Variants in DENND4C observed in about 807,000 individuals in gnomAD.
DENND4C encodes the protein DENN domain containing 4C.
A neutral mutation model predicts 203.0 loss-of-function variants in DENND4C; 108 were observed. That is an observed-to-expected ratio of 0.53 (90% CI 0.46 to 0.62). The LOEUF is 0.62. Among genes scored for constraint, DENND4C ranks in the 20% least tolerant of loss-of-function variants. DENND4C has a pLI of 0.00. For missense variants in DENND4C, 2,481 were observed against 2,301.2 expected (o/e 1.08, Z -1.60); for synonymous variants, 871 against 792.4 (o/e 1.10, Z -1.67).
intron 12 of DENND4C, among the ~76,000 whole-genome samples, chr9:19,318,219 T>C (rs1842169158): frequency 6.6e-6 from 1 of 152,056 alleles, no homozygotes; most frequent in Non-Finnish European, 1.5e-5. Context: ...TTCGGGAGGC[T>C]AAGGGAGGAG....
chr9:19,236,751 CA>C (rs1822066864), intron 1 of DENND4C, among the ~76,000 whole-genome samples: 2 of 152,160 alleles, frequency 1.3e-5, no homozygotes, highest in South Asian at 4.1e-4. Context: ...GCCCACAGGC[CA>C]TGTCGCTTTA....
chr9:19,296,542 A>T (rs1179580043), intron 6 of DENND4C, among the ~76,000 whole-genome samples: 1 of 151,646 alleles, frequency 6.6e-6, no homozygotes, highest in African/African-American at 2.4e-5. Flanking sequence ...TTTTGTAGAG[A>T]CAAGGTTTCA....
rs1325111591 is a variant in DENND4C at position 19,324,466 on chromosome 9, A to G, written c.1912A>G (p.Lys638Glu). Residue 638 changes from lysine (K) to glutamate (E), a missense_variant, in exon 13 of 33, where the codon AAA becomes GAA. Transcript: ENST00000434457. ...TGAAGAATGCAGTTTTGTAAGTGATAAAGATACTGGATTAGCATTTTTTGA... is the reference window on the plus strand; with the variant it reads ...TGAAGAATGCAGTTTTGTAAGTGATGAAGATACTGGATTAGCATTTTTTGA... ...FIEECSFVSD[K>E]DTGLAFFDDC... The G allele has an allele frequency of 1.9e-6, 3 of 1,611,682 alleles. No homozygotes were observed. Among genetic ancestry groups the G allele is most frequent in the African/African-American group, 1.3e-5 (1 of 74,748 alleles).
chr9:19,254,064 T>C (rs1441927983), intron 1 of DENND4C, among the ~76,000 whole-genome samples: 2 of 152,244 alleles, frequency 1.3e-5, no homozygotes, highest in Non-Finnish European at 2.9e-5. Flanking sequence ...TTTTATTTTT[T>C]CTTCAAAAGC....
At chr9:19,245,470 A>AAAT (rs1488406891) in intron 1 of DENND4C, among the ~76,000 whole-genome samples, 1 of 150,872 alleles carries the variant, frequency 6.6e-6, no homozygotes, top group Admixed American at 6.6e-5. Context: ...CAGTCTCAAA[A>AAAT]AAAAAAAAAT....
chr9:19,342,569 A>G lies in DENND4C; in HGVS notation c.3005-64A>G, dbSNP rs966881660. ...AAATACATACAATATCTAAAAGTCA[A>G]TATATGGTTTCTGTTTAATATTGGC... On this transcript the variant is annotated intron_variant, in intron 21 of 32. Transcript: ENST00000434457. 32 of 1,475,028 alleles carry G rather than the reference A, an allele frequency of 2.2e-5. No individual in the cohort carries two copies. In the Admixed American group the frequency reaches 4.2e-4, roughly 19 times the overall value. 91.4% of individuals were successfully genotyped at this position (1,475,028 alleles called of 1,614,324 possible). A position where few individuals can be genotyped will look rare whatever the true frequency, so the allele number is the denominator to read the frequency against.
Position 19,346,103 on chromosome 9 carries a change from G to C in DENND4C, c.3334G>C (p.Asp1112His). The C allele has an allele frequency of 6.2e-7, 1 of 1,614,194 alleles. No individual in the cohort carries two copies. Among genetic ancestry groups the C allele is most frequent in the Non-Finnish European group, 8.5e-7 (1 of 1,180,042 alleles). The stretch of plus-strand genomic sequence containing the variant: ...AATGTTGCTTAAGAAGAGTAGTTTG[G>C]ATTCGAATTCAAGTGAAATGGCTAT... ...AGMLLKKSSL[D>H]SNSSEMAIMM... Residue 1112 changes from aspartate to histidine, a missense_variant, in exon 23 of 33, where the codon GAT (aspartate) becomes CAT (histidine). By Grantham distance (81) the Asp-to-His change is moderately conservative. Coordinates refer to ENST00000434457, the MANE Select transcript of DENND4C (RefSeq NM_001330640.2).
At chr9:19,297,666 T>C (rs1837741498) in intron 6 of DENND4C, among the ~76,000 whole-genome samples, 1 of 152,206 alleles carries the variant, frequency 6.6e-6, no homozygotes, top group Non-Finnish European at 1.5e-5. Flanking sequence ...AGGTGGTTCA[T>C]CCAGTGTTAG....
At chr9:19,284,335 A>T (rs1230745456) in intron 2 of DENND4C, among the ~76,000 whole-genome samples, 1 of 152,106 alleles carries the variant, frequency 6.6e-6, no homozygotes, top group East Asian at 1.9e-4. Context: ...ATTTGTGTGG[A>T]TGTATTTACT....
intron 1 of DENND4C, among the ~76,000 whole-genome samples, chr9:19,231,570 T>C (rs1040422888): frequency 6.6e-6 from 1 of 151,716 alleles, no homozygotes; most frequent in African/African-American, 2.4e-5. Context: ...CCTTTTCTGC[T>C]TGATAGACCT....
chr9:19,299,410 T>A, intron 8 of DENND4C, 123 bp downstream of exon 8: 1 of 650,266 alleles, frequency 1.5e-6, no homozygotes, highest in Non-Finnish European at 2.3e-6. Flanking sequence ...CTTTATTAGT[T>A]AAAACTAGGC....
intron 22 of DENND4C, among the ~76,000 whole-genome samples, 159 bp from the exon 23 acceptor site, chr9:19,345,762 C>G (rs545409981): frequency 3.1e-4 from 47 of 152,172 alleles, no homozygotes; most frequent in Admixed American, 9.8e-4. Context: ...AATAGCTTTT[C>G]CAGTGCACTT....
chr9:19,243,146 C>A (rs775523179), intron 1 of DENND4C, among the ~76,000 whole-genome samples: 1 of 152,292 alleles, frequency 6.6e-6, no homozygotes, highest in Non-Finnish European at 1.5e-5. Flanking sequence ...ACTCTCCAAT[C>A]CCTCTCTCCT....
intron 1 of DENND4C, among the ~76,000 whole-genome samples, chr9:19,259,266 C>A (rs891463861): frequency 6.6e-6 from 1 of 152,078 alleles, no homozygotes; most frequent in East Asian, 1.9e-4. Flanking sequence ...CCCTTTGCAG[C>A]GTCTGATAGC....
intron 23 of DENND4C, 98 bp from the exon 24 acceptor site, chr9:19,350,604 A>C: frequency 3.0e-6 from 3 of 987,750 alleles, no homozygotes; most frequent in Non-Finnish European, 4.3e-6. Context: ...GATTTGTTTA[A>C]GGATTATAGA....
chr9:19,321,167 C>G (rs1250107858), intron 12 of DENND4C, among the ~76,000 whole-genome samples: 1 of 152,178 alleles, frequency 6.6e-6, no homozygotes, highest in Non-Finnish European at 1.5e-5. Flanking sequence ...AGAAGAATCT[C>G]CTTGGCTTCC....
intron 1 of DENND4C, among the ~76,000 whole-genome samples, chr9:19,234,888 T>C (rs1821526147): frequency 6.6e-6 from 1 of 151,986 alleles, no homozygotes; most frequent in Non-Finnish European, 1.5e-5. Context: ...ATTATTTTGC[T>C]AATATGATGG....
intron 31 of DENND4C, 88 bp downstream of exon 31, chr9:19,370,075 T>G (rs1828497326): frequency 2.7e-6 from 4 of 1,475,122 alleles, no homozygotes; most frequent in Non-Finnish European, 3.8e-6. Context: ...TCTCTAGTTG[T>G]CGAAGAAACA....
intron 1 of DENND4C, among the ~76,000 whole-genome samples, chr9:19,235,912 A>G (rs990561810): frequency 6.6e-6 from 1 of 151,940 alleles, no homozygotes; most frequent in African/African-American, 2.4e-5. Flanking sequence ...GAGTCATCTT[A>G]TATATCTTTG....
Sources: gnomAD v4.1 joint callset for allele counts (sites outside exome capture counted in the v4.1 genomes callset) on GRCh38, gnomAD v4.1.1 for gene constraint, MANE v1.5 for transcripts, NCBI Gene and HGNC (gene_info 2026-07-23, HGNC 2026-07-21) for gene names.